Variants in TMEM117 observed in about 807,000 individuals in gnomAD.
The protein encoded by TMEM117 is transmembrane protein 117.
TMEM117 carries 27 observed loss-of-function variants against 52.4 expected under a neutral mutation model. The observed-to-expected ratio is 0.51, with a 90% CI of 0.38 to 0.71. The LOEUF is 0.71. TMEM117 is among the 30% of genes least tolerant of loss of function. The pLI, the probability that TMEM117 is intolerant of heterozygous loss-of-function variation, is 0.00. For synonymous variants in TMEM117, 215 were observed against 206.3 expected, an observed-to-expected ratio of 1.04 and a Z score of -0.36; for missense variants, 556 against 630.5, an observed-to-expected ratio of 0.88 and a Z score of 1.26.
intron 5 of TMEM117, among the ~76,000 whole-genome samples, chr12:44,298,694 G>A (rs189023766): frequency 1.3e-5 from 2 of 150,910 alleles, no homozygotes; most frequent in South Asian, 2.1e-4. Flanking sequence ...AAAATGTCAG[G>A]CTCCTAGTAT....
chr12:44,187,709 A>G (rs1306245288), intron 4 of TMEM117, among the ~76,000 whole-genome samples: 2 of 152,158 alleles, frequency 1.3e-5, no homozygotes, highest in Non-Finnish European at 2.9e-5. Context: ...TGTTTCAGTC[A>G]TCTCCTGAAA....
intron 3 of TMEM117, among the ~76,000 whole-genome samples, chr12:44,062,895 G>A (rs762294829): frequency 6.6e-5 from 10 of 152,200 alleles, no homozygotes; most frequent in Non-Finnish European, 1.5e-4. Flanking sequence ...GGCCATAATG[G>A]TGGGTTAGTT....
At chr12:44,225,018 A>G (rs932737326) in intron 5 of TMEM117, among the ~76,000 whole-genome samples, 1 of 152,132 alleles carries the variant, frequency 6.6e-6, no homozygotes, top group African/African-American at 2.4e-5. Context: ...GCCTGTAGAT[A>G]TGCATGATTT....
At chr12:44,262,690 G>A (rs866929933) in intron 5 of TMEM117, among the ~76,000 whole-genome samples, 8 of 152,260 alleles carry the variant, frequency 5.3e-5, no homozygotes, top group Middle Eastern at 3.4e-3. Context: ...GGGTTCAAGC[G>A]ATTCTCCTGC....
intron 3 of TMEM117, among the ~76,000 whole-genome samples, chr12:44,106,649 T>G (rs1409484288): frequency 6.6e-6 from 1 of 151,986 alleles, no homozygotes; most frequent in Non-Finnish European, 1.5e-5. Flanking sequence ...CAAATATAAT[T>G]TGTCAATTTT....
rs1475357565 is a variant in TMEM117, at chr12:44,080,046, G to C, written c.411-63479G>C. Among the ~76,000 whole-genome samples the C allele has an allele frequency of 5.3e-5, 8 of 150,402 alleles. No individual in the cohort carries two copies. In the East Asian group the frequency reaches 1.6e-3, roughly 29 times the overall value. On this transcript the variant is annotated intron_variant, in intron 3 of 7. Transcript: ENST00000266534. ...AAAAAAAAAAAAAAAGAGTGCATAT[G>C]GGAGTCTTTCTCTACGTATACTGAG...
the TMEM117 span, among the ~76,000 whole-genome samples, chr12:44,396,861 AAAAG>A: frequency 9.9e-5 from 15 of 151,656 alleles, no homozygotes; most frequent in African/African-American, 2.2e-4. Context: ...AAAAAAAAAA[AAAAG>A]AAAGAAAAGA....
At chr12:44,002,861 G>C (rs1946137399) in intron 3 of TMEM117, among the ~76,000 whole-genome samples, 1 of 152,140 alleles carries the variant, frequency 6.6e-6, no homozygotes, top group African/African-American at 2.4e-5. Context: ...CTTTGCTGTT[G>C]AGCCAGGGAC....
chr12:44,230,301 G>A (rs773358114), intron 5 of TMEM117, among the ~76,000 whole-genome samples: 2 of 151,958 alleles, frequency 1.3e-5, no homozygotes, highest in Admixed American at 6.6e-5. Flanking sequence ...TTGAAAATAC[G>A]TACCCAAAAG....
the TMEM117 span, among the ~76,000 whole-genome samples, chr12:43,826,664 G>T: frequency 6.6e-6 from 1 of 152,192 alleles, no homozygotes; most frequent in African/African-American, 2.4e-5. Context: ...AGATTGTGTA[G>T]TCCAATTTCC....
At chr12:44,048,904 T>C (rs1241061933) in intron 3 of TMEM117, among the ~76,000 whole-genome samples, 2 of 152,266 alleles carry the variant, frequency 1.3e-5, no homozygotes, top group Non-Finnish European at 2.9e-5. Context: ...GAGTGGCATT[T>C]AATGCTGTAA....
chr12:43,969,736 G>A (rs781696161), intron 3 of TMEM117, among the ~76,000 whole-genome samples: 4 of 151,712 alleles, frequency 2.6e-5, no homozygotes, highest in Admixed American at 6.6e-5. Flanking sequence ...AAATCCATAC[G>A]GTCACCTAGG....
At chr12:43,889,379 G>A (rs1565736505) in intron 2 of TMEM117, among the ~76,000 whole-genome samples, 1 of 152,194 alleles carries the variant, frequency 6.6e-6, no homozygotes, top group Admixed American at 6.5e-5. Flanking sequence ...CACCGAGCCT[G>A]GCCTGGATTC....
chr12:43,900,697 G>A (rs184545580), intron 2 of TMEM117, among the ~76,000 whole-genome samples: 5 of 144,502 alleles, frequency 3.5e-5, no homozygotes, highest in South Asian at 2.2e-4. Context: ...CAGCCTGGGC[G>A]ACAGAGTGAG....
intron 2 of TMEM117, among the ~76,000 whole-genome samples, chr12:43,887,636 A>G (rs1209473192): frequency 2.0e-5 from 3 of 152,218 alleles, no homozygotes; most frequent in African/African-American, 7.2e-5. Flanking sequence ...CCTGACTCCA[A>G]CAGCTCTGAT....
intron 3 of TMEM117, among the ~76,000 whole-genome samples, chr12:43,967,199 T>G (rs1393249894): frequency 2.0e-5 from 3 of 151,734 alleles, no homozygotes; most frequent in Non-Finnish European, 4.4e-5. Context: ...CAGTCACAGC[T>G]CACTACAGCC....
intron 3 of TMEM117, among the ~76,000 whole-genome samples, chr12:44,003,422 C>T (rs1230376951): frequency 1.3e-5 from 2 of 152,326 alleles, no homozygotes; most frequent in Non-Finnish European, 2.9e-5. Context: ...CTTCCAACCT[C>T]AGGCCTCACA....
At chr12:44,057,201 C>T (rs1397579457) in intron 3 of TMEM117, among the ~76,000 whole-genome samples, 1 of 152,080 alleles carries the variant, frequency 6.6e-6, no homozygotes, top group Admixed American at 6.6e-5. Flanking sequence ...ATCTAAATTG[C>T]CCAGTTGCTA....
At chr12:44,291,374 G>GTTTTTT (rs1185340451) in intron 5 of TMEM117, among the ~76,000 whole-genome samples, 2 of 71,450 alleles carry the variant, frequency 2.8e-5, no homozygotes, top group Non-Finnish European at 2.8e-5. Flanking sequence ...AGTTCTAACA[G>GTTTTTT]TTTTTTTTTT....
Sources: gnomAD v4.1 joint callset for allele counts (sites outside exome capture counted in the v4.1 genomes callset) on GRCh38, gnomAD v4.1.1 for gene constraint, MANE v1.5 for transcripts, NCBI Gene and HGNC (gene_info 2026-07-23, HGNC 2026-07-21) for gene names.